SHB: variants seen among roughly 807,000 people sequenced by gnomAD.
SHB encodes the protein SH2 domain-containing adapter protein B.
A neutral mutation model predicts 52.3 loss-of-function variants in SHB; 20 were observed. That is an observed-to-expected ratio of 0.38 (90% CI 0.27 to 0.56). SHB has a LOEUF of 0.56. Among genes scored for constraint, SHB ranks in the 20% least tolerant of loss-of-function variants. The pLI, the probability that SHB is intolerant of heterozygous loss-of-function variation, is 0.71. For missense variants in SHB, 825 were observed against 723.3 expected (o/e 1.14, Z -1.61); for synonymous variants, 397 against 316.5 (o/e 1.25, Z -2.70).
intron 1 of SHB, among the ~76,000 whole-genome samples, chr9:38,058,942 C>T (rs1013631227): frequency 4.6e-5 from 7 of 152,192 alleles, no homozygotes; most frequent in Admixed American, 2.0e-4. Flanking sequence ...CCTCTTTATT[C>T]CTCTTTACTT....
intron 5 of SHB, among the ~76,000 whole-genome samples, chr9:37,938,804 G>C (rs1327973109): frequency 2.0e-5 from 3 of 152,252 alleles, no homozygotes; most frequent in Non-Finnish European, 4.4e-5. Context: ...GTCTGGCACT[G>C]CCGGGTTGGG....
intron 5 of SHB, among the ~76,000 whole-genome samples, chr9:37,930,971 G>C (rs1467129912): frequency 1.3e-5 from 2 of 151,994 alleles, no homozygotes; most frequent in African/African-American, 4.8e-5. Flanking sequence ...AACACATATG[G>C]GTCAACTAAT....
intron 1 of SHB, among the ~76,000 whole-genome samples, chr9:38,053,394 C>T (rs374923751): frequency 2.6e-5 from 4 of 152,234 alleles, no homozygotes; most frequent in East Asian, 3.9e-4. Flanking sequence ...CTTGCCACCA[C>T]GCCCAGCTAA....
At chr9:37,980,532 T>C (rs911193090) in intron 2 of SHB, among the ~76,000 whole-genome samples, 1 of 152,250 alleles carries the variant, frequency 6.6e-6, no homozygotes, top group South Asian at 2.1e-4. Flanking sequence ...GGCCTCAAAG[T>C]CATCTGTGAG....
chr9:37,929,043 G>C (rs567525246), intron 5 of SHB, among the ~76,000 whole-genome samples: 4 of 152,258 alleles, frequency 2.6e-5, no homozygotes, highest in Non-Finnish European at 4.4e-5. Context: ...GGGCTGGAGA[G>C]GGGGGTGGGC....
At chr9:37,923,674 G>A (rs1441896771) in intron 5 of SHB, among the ~76,000 whole-genome samples, 1 of 152,224 alleles carries the variant, frequency 6.6e-6, no homozygotes, top group Non-Finnish European at 1.5e-5. Context: ...GCGAGCATGA[G>A]CAAAGGAAGC....
intron 1 of SHB, among the ~76,000 whole-genome samples, chr9:38,066,340 G>A (rs1027938076): frequency 1.1e-4 from 17 of 152,328 alleles, no homozygotes; most frequent in East Asian, 5.8e-4. Flanking sequence ...GCAGTTAGCC[G>A]TGACCCTCTC....
At chr9:37,940,251 G>A (rs1832420058) in intron 5 of SHB, among the ~76,000 whole-genome samples, 2 of 152,200 alleles carry the variant, frequency 1.3e-5, no homozygotes, top group African/African-American at 4.8e-5. Flanking sequence ...CCTTGGCAAT[G>A]TTTTACCACC....
intron 5 of SHB, among the ~76,000 whole-genome samples, chr9:37,936,174 C>T (rs1361176826): frequency 6.6e-6 from 1 of 152,136 alleles, no homozygotes; most frequent in African/African-American, 2.4e-5. Flanking sequence ...CGAGATAGCG[C>T]CATTGCACTC....
At chr9:38,034,625 G>C (rs979869803) in intron 1 of SHB, among the ~76,000 whole-genome samples, 1 of 152,238 alleles carries the variant, frequency 6.6e-6, no homozygotes, top group Non-Finnish European at 1.5e-5. Flanking sequence ...TGTGCCAGGG[G>C]TTGACCACTG....
chr9:38,009,174 G>A (rs1821106757), intron 2 of SHB, among the ~76,000 whole-genome samples: 1 of 152,226 alleles, frequency 6.6e-6, no homozygotes, highest in Admixed American at 6.5e-5. Context: ...CAGAATGAGA[G>A]AACAGGAGCC....
At chr9:37,982,545 C>T (rs1018989419) in intron 2 of SHB, among the ~76,000 whole-genome samples, 3 of 151,984 alleles carry the variant, frequency 2.0e-5, no homozygotes, top group South Asian at 2.1e-4. Context: ...GTAATCCCAC[C>T]ACTTTGGGAG....
intron 1 of SHB, among the ~76,000 whole-genome samples, chr9:38,017,009 A>G (rs1821222349): frequency 6.6e-6 from 1 of 152,192 alleles, no homozygotes; most frequent in African/African-American, 2.4e-5. Context: ...AACACTTCAG[A>G]GACCACCGTT....
chr9:38,011,769 CAA>C (rs1564101381), intron 2 of SHB, among the ~76,000 whole-genome samples: 1 of 152,150 alleles, frequency 6.6e-6, no homozygotes, highest in African/African-American at 2.4e-5. Flanking sequence ...AAAAAAATCT[CAA>C]AAGGATTATA....
At chr9:38,067,219 G>A (rs551139463) in intron 1 of SHB, among the ~76,000 whole-genome samples, 3 of 152,308 alleles carry the variant, frequency 2.0e-5, no homozygotes, top group East Asian at 1.9e-4. Context: ...GGATAGGAGG[G>A]GTGGGGTCTC....
chr9:37,974,905 A>G, intron 2 of SHB, 68 bp from the exon 3 acceptor site: 1 of 1,317,192 alleles, frequency 7.6e-7, no homozygotes, highest in Non-Finnish European at 1.1e-6. Flanking sequence ...ATTCCCACCC[A>G]GAAACACCAC....
intron 2 of SHB, among the ~76,000 whole-genome samples, chr9:37,984,985 C>T (rs1769959723): frequency 6.6e-6 from 1 of 152,204 alleles, no homozygotes; most frequent in Admixed American, 6.5e-5. Flanking sequence ...CGGCAGGAGG[C>T]CCCACCTCCT....
intron 3 of SHB, among the ~76,000 whole-genome samples, chr9:37,960,831 G>A (rs961898765): frequency 2.0e-5 from 3 of 152,124 alleles, no homozygotes; most frequent in African/African-American, 7.2e-5. Flanking sequence ...GAGGAACGGC[G>A]GTCCAGAGGA....
intron 1 of SHB, among the ~76,000 whole-genome samples, chr9:38,064,171 G>A (rs568994612): frequency 7.3e-5 from 11 of 151,576 alleles, no homozygotes; most frequent in Middle Eastern, 3.4e-3. Flanking sequence ...CATCCCAGGA[G>A]CTCGGGACCT....
Sources: allele counts gnomAD v4.1 joint callset (sites outside exome capture counted in the v4.1 genomes callset), GRCh38; gene constraint gnomAD v4.1.1; transcripts MANE v1.5; gene names NCBI Gene and HGNC (gene_info 2026-07-23, HGNC 2026-07-21).